NRXN3: variants seen among roughly 807,000 people sequenced by gnomAD.
NRXN3 encodes neurexin III.
NRXN3 carries 32 observed loss-of-function variants against 137.6 expected under a neutral mutation model. The ratio of observed to expected loss-of-function variants is 0.23; its 90% confidence interval spans 0.18 to 0.31. The LOEUF is 0.31. Among genes scored for constraint, NRXN3 ranks in the 10% least tolerant of loss-of-function variants. NRXN3 has a pLI of 1.00. For missense variants in NRXN3, 1,574 were observed against 2,062.5 expected (o/e 0.76, Z 4.59); for synonymous variants, 798 against 784.5 (o/e 1.02, Z -0.29).
At chr14:78,473,809 G>A (rs1426268447) in intron 4 of NRXN3, among the ~76,000 whole-genome samples, 1 of 152,198 alleles carries the variant, frequency 6.6e-6, no homozygotes, top group Admixed American at 6.5e-5. Flanking sequence ...AGTTGGTGCT[G>A]GCTGTTGGTA....
chr14:78,365,197 A>T (rs2085738246), intron 4 of NRXN3, among the ~76,000 whole-genome samples: 1 of 151,594 alleles, frequency 6.6e-6, no homozygotes, highest in Admixed American at 6.6e-5. Flanking sequence ...GGCTCTGTAT[A>T]TTTTTTTTGG....
chr14:78,469,157 A>G (rs2095200963), intron 4 of NRXN3, among the ~76,000 whole-genome samples: 1 of 152,142 alleles, frequency 6.6e-6, no homozygotes, highest in South Asian at 2.1e-4. Context: ...TTAAGCTTAA[A>G]TTTCTGGGTA....
At chr14:78,581,992 A>G (rs1342532176) in intron 4 of NRXN3, among the ~76,000 whole-genome samples, 1 of 152,220 alleles carries the variant, frequency 6.6e-6, no homozygotes, top group Non-Finnish European at 1.5e-5. Context: ...TGCCGTATCT[A>G]TCCTCCATAA....
chr14:79,335,838 G>A (rs1005656250), intron 15 of NRXN3, among the ~76,000 whole-genome samples: 4 of 151,934 alleles, frequency 2.6e-5, no homozygotes, highest in Non-Finnish European at 1.5e-5. Context: ...CTACATTCAC[G>A]ACTTTCATCC....
chr14:79,531,396 G>A (rs1318612848), intron 16 of NRXN3, among the ~76,000 whole-genome samples: 2 of 152,148 alleles, frequency 1.3e-5, no homozygotes, highest in Non-Finnish European at 2.9e-5. Flanking sequence ...TTAATGAAGG[G>A]TAGAACATTG....
At chr14:79,113,576 T>C (rs952827650) in intron 15 of NRXN3, among the ~76,000 whole-genome samples, 1 of 152,208 alleles carries the variant, frequency 6.6e-6, no homozygotes, top group Admixed American at 6.5e-5. Context: ...ACTAACTTTT[T>C]TGAAAAGTAG....
chr14:79,197,576 A>T (rs1414658614), intron 15 of NRXN3, among the ~76,000 whole-genome samples: 9 of 146,638 alleles, frequency 6.1e-5, no homozygotes, highest in African/African-American at 1.3e-4. Flanking sequence ...TAATTCCATG[A>T]TTTACTGGAA....
chr14:79,630,141 C>A (rs1225405210), intron 16 of NRXN3, among the ~76,000 whole-genome samples: 1 of 152,138 alleles, frequency 6.6e-6, no homozygotes, highest in African/African-American at 2.4e-5. Flanking sequence ...TTTCTGTCCA[C>A]AGGGGTATTA....
At position 79,773,049 on chromosome 14, in the gene NRXN3, A is replaced by T. The variant is rs997860592; in HGVS notation, c.4015-32063A>T. ...AAAATGCTCACCATCACTGGCCATC[A>T]GAGAAATGCAAATCAAAACCACAAT... On this transcript the variant is annotated intron_variant, in intron 19 of 20. Transcript: ENST00000335750. Among the ~76,000 whole-genome samples the T allele has an allele frequency of 7.7e-3, 1,169 of 152,232 alleles. 17 individuals carry two copies. Among genetic ancestry groups the T allele is most frequent in the African/African-American group, 0.027 (1,113 of 41,546 alleles).
intron 2 of NRXN3, among the ~76,000 whole-genome samples, chr14:78,263,028 T>C (rs1354744658): frequency 1.4e-5 from 2 of 141,838 alleles, no homozygotes; most frequent in Non-Finnish European, 3.0e-5. Context: ...ATAAACAATG[T>C]AGTACATTTT....
chr14:78,412,329 G>C (rs908135905), intron 4 of NRXN3, among the ~76,000 whole-genome samples: 11 of 152,260 alleles, frequency 7.2e-5, no homozygotes, highest in African/African-American at 2.4e-4. Flanking sequence ...AGTCAGCCTG[G>C]GTCCCGAGCA....
chr14:78,979,589 A>ACC (rs2099483532), intron 14 of NRXN3, among the ~76,000 whole-genome samples: 1 of 152,184 alleles, frequency 6.6e-6, no homozygotes, highest in African/African-American at 2.4e-5. Context: ...AGGGGTAGAA[A>ACC]ATTAAACTAA....
intron 9 of NRXN3, among the ~76,000 whole-genome samples, chr14:78,808,872 A>G (rs1256313423): frequency 6.6e-6 from 1 of 152,048 alleles, no homozygotes; most frequent in Non-Finnish European, 1.5e-5. Flanking sequence ...ATCCTTGACA[A>G]GTCCTCTAAA....
At chr14:78,375,756 A>G (rs1056115718) in intron 4 of NRXN3, among the ~76,000 whole-genome samples, 1 of 152,190 alleles carries the variant, frequency 6.6e-6, no homozygotes, top group Admixed American at 6.5e-5. Context: ...GTGGCATTTT[A>G]TCTGAAATCT....
chr14:78,837,085 G>A (rs577481998), intron 10 of NRXN3, among the ~76,000 whole-genome samples: 5 of 152,258 alleles, frequency 3.3e-5, no homozygotes, highest in South Asian at 2.1e-4. Context: ...GGAGTTGGGC[G>A]GAGATTAGTG....
chr14:78,296,512 C>G (rs78190421), intron 3 of NRXN3, among the ~76,000 whole-genome samples: 3 of 152,262 alleles, frequency 2.0e-5, no homozygotes, highest in East Asian at 3.9e-4. Flanking sequence ...ACCCTTCCCC[C>G]ACAAAAGACC....
intron 4 of NRXN3, among the ~76,000 whole-genome samples, chr14:78,621,581 A>G (rs1161399167): frequency 6.6e-6 from 1 of 152,238 alleles, no homozygotes; most frequent in African/African-American, 2.4e-5. Context: ...GAGATAATAA[A>G]TCAACATTTC....
chr14:78,508,277 G>A lies in NRXN3; in HGVS notation c.758-136843G>A, dbSNP rs137997017. Among the ~76,000 whole-genome samples the A allele has an allele frequency of 4.1e-4, 62 of 152,244 alleles. 1 individual carries two copies. Among genetic ancestry groups the A allele is most frequent in the African/African-American group, 1.4e-3 (59 of 41,548 alleles). On this transcript the variant is annotated intron_variant, in intron 4 of 20. Transcript: ENST00000335750. Reference sequence around the variant, plus strand: ...TCCATTTAGAATCTGGTGATGTATCGCATACAAGTTAGATTGCTTGACAAG... The same window carrying A: ...TCCATTTAGAATCTGGTGATGTATCACATACAAGTTAGATTGCTTGACAAG...
chr14:78,347,146 C>T (rs1326011263), intron 4 of NRXN3, among the ~76,000 whole-genome samples: 1 of 152,142 alleles, frequency 6.6e-6, no homozygotes, highest in Admixed American at 6.5e-5. Flanking sequence ...ACAATCCCGG[C>T]GACAAATGCG....
Sources: gnomAD v4.1 joint callset for allele counts (sites outside exome capture counted in the v4.1 genomes callset) on GRCh38, gnomAD v4.1.1 for gene constraint, MANE v1.5 for transcripts, NCBI Gene and HGNC (gene_info 2026-07-23, HGNC 2026-07-21) for gene names.